The following THTPA variants were observed in gnomAD, a reference collection of about 807,000 sequenced individuals.
The protein encoded by THTPA is thiamine triphosphatase, also known as thiamine-triphosphatase.
A neutral mutation model predicts 16.5 loss-of-function variants in THTPA; 16 were observed. That is an observed-to-expected ratio of 0.97 (90% CI 0.66 to 1.47). The LOEUF (loss-of-function observed/expected upper bound fraction) is 1.47. Among genes scored for constraint, THTPA ranks in the 40% most tolerant of loss-of-function variants. THTPA has a pLI of 0.00. For synonymous variants in THTPA, 110 were observed against 115.5 expected (o/e 0.95, Z 0.30); for missense variants, 281 against 280.9 (o/e 1.00, Z 0.00).
rs1302769437 is a variant in THTPA at position 23,559,157 on chromosome 14, C to T, written c.*317C>T. The T allele has an allele frequency of 1.4e-5, 4 of 294,190 alleles. No individual in the cohort carries two copies. The highest frequency in any genetic ancestry group is 7.5e-5 in the East Asian group (1 of 13,388). The allele number at this position is 294,190 out of a possible 1,614,324, so 18.2% of individuals were successfully genotyped here. ...AAGCACAGGAAAATCCCTTGCCACC[C>T]CCCCTCCCTTGGTCGATGCCATTGA... On this transcript the variant is annotated 3_prime_UTR_variant, in exon 2 of 2. Coordinates refer to ENST00000288014, the MANE Select transcript of THTPA (RefSeq NM_024328.6).
the THTPA span, chr14:23,513,582 T>G: frequency 2.6e-4 from 39 of 152,354 alleles, no homozygotes; most frequent in African/African-American, 9.4e-4. Flanking sequence ...AGAGGGTGCA[T>G]GAGTTGCTTC....
chr14:23,558,489 C>T (rs982001824), intron 1 of THTPA, among the ~76,000 whole-genome samples: 1 of 152,216 alleles, frequency 6.6e-6, no homozygotes, highest in South Asian at 2.1e-4. Flanking sequence ...TCTAGTCCCA[C>T]TCTTGCCTGA....
At chr14:23,534,414 T>G in the THTPA span, 1 of 1,536,728 alleles carries the variant, frequency 6.5e-7, no homozygotes, top group Non-Finnish European at 8.7e-7. The surrounding 1 kb of genome is among the most constrained non-coding windows in gnomAD (Gnocchi z 4.5). Context: ...TGTCAAGGGG[T>G]ATGTCAGAAG....
At position 23,558,777 on chromosome 14, in the gene THTPA, AG is replaced by A. The variant is rs1472169311; in HGVS notation, c.631del (p.Glu211LysfsTer2). On this transcript the variant is annotated frameshift_variant, in exon 2 of 2. Transcript: ENST00000288014. LOFTEE classifies it low-confidence loss of function (END_TRUNC). ...FRPQDYQRLL[E>X]VNSSRERPQE... The stretch of plus-strand genomic sequence containing the variant: ...GGCCTCAAGACTATCAGCGCCTGCT[AG>A]AAGTGAACAGCTCCAGAGAGAGGCC... 5 of 1,614,102 alleles carry A rather than the reference AG, an allele frequency of 3.1e-6. No homozygotes were observed. The highest frequency in any genetic ancestry group is 4.2e-6 in the Non-Finnish European group (5 of 1,180,042).
In THTPA at chr14:23,556,950, AAAT is replaced by A. The variant is rs891916027; in HGVS notation, c.194_196del (p.Lys65_Cys66delinsSer). 3.7e-6 allele frequency: 6 copies of A among 1,614,024 alleles called. No homozygotes were observed. The African/African-American group carries it at 8.0e-5, about 22-fold the overall frequency. ...ACGAGAGGATAGTGGATGGGAGCTCAAATGTCCTGGAGCAGCAGGTGTCTTAGG... is the reference window on the plus strand; with the variant it reads ...ACGAGAGGATAGTGGATGGGAGCTCAGTCCTGGAGCAGCAGGTGTCTTAGG... On this transcript the variant is annotated inframe_deletion, in exon 1 of 2. Transcript: ENST00000288014.
the THTPA span, chr14:23,522,986 C>T: frequency 2.8e-6 from 4 of 1,425,856 alleles, no homozygotes; most frequent in East Asian, 2.5e-5. Context: ...ATCTCCTGTC[C>T]CATCATTCTT....
At chr14:23,542,860 C>G in the THTPA span, 1 of 152,062 alleles carries the variant, frequency 6.6e-6, no homozygotes, top group African/African-American at 2.4e-5. Flanking sequence ...CTCAGCCTCC[C>G]GAGTAGCTGG....
At chr14:23,540,126 G>A in the THTPA span, among the ~76,000 whole-genome samples, 1 of 152,184 alleles carries the variant, frequency 6.6e-6, no homozygotes, top group Non-Finnish European at 1.5e-5. Flanking sequence ...CAGTAGCTGG[G>A]ACTACAGGCA....
At chr14:23,522,297 C>T in the THTPA span, 35 of 1,509,642 alleles carry the variant, frequency 2.3e-5, no homozygotes, top group South Asian at 2.1e-4. Context: ...GGGGCCTCCC[C>T]GTCAAATGCC....
At chr14:23,533,270 A>G in the THTPA span, 4 of 1,435,522 alleles carry the variant, frequency 2.8e-6, no homozygotes, top group East Asian at 2.5e-5. The surrounding 1 kb of genome is among the most constrained non-coding windows in gnomAD (Gnocchi z 4.8). Flanking sequence ...AGAGGGAAGA[A>G]GCACAGAAGC....
chr14:23,555,689 C>T (rs947309316), upstream of THTPA: 4 of 150,866 alleles, frequency 2.7e-5, no homozygotes, highest in African/African-American at 4.9e-5. Flanking sequence ...TCCCTCCCCC[C>T]ACCCCAACCC....
At chr14:23,531,854 T>G in the THTPA span, 2 of 1,163,524 alleles carry the variant, frequency 1.7e-6, no homozygotes, top group Admixed American at 8.3e-5. Flanking sequence ...CTCTACTCAC[T>G]GAAGCCTCTA....
At chr14:23,524,129 G>A in the THTPA span, 4 of 1,535,798 alleles carry the variant, frequency 2.6e-6, no homozygotes, top group African/African-American at 2.7e-5. This position sits in a 1 kb window ranked among gnomAD's most constrained non-coding sequence, Gnocchi z 5.6. Context: ...GGGCAAGGAT[G>A]CAGGGGTGGC....
At chr14:23,517,574 A>C in the THTPA span, among the ~76,000 whole-genome samples, 3 of 152,168 alleles carry the variant, frequency 2.0e-5, no homozygotes, top group Non-Finnish European at 4.4e-5. Flanking sequence ...GCAGAAGTTT[A>C]CCCTGTTTTT....
chr14:23,542,976 C>T, the THTPA span: 14 of 152,186 alleles, frequency 9.2e-5, no homozygotes, highest in East Asian at 1.7e-3. Flanking sequence ...CTACCTGACC[C>T]GCCCACCTTG....
chr14:23,557,192 C>T lies in THTPA; in HGVS notation c.435C>T (p.Asp145=). ...ADEEEPQLRV[D]LDTADFGYAV... Reference sequence around the variant, plus strand: ...AAGAGGAGCCACAGCTCAGGGTGGACTTGGATACAGCCGACTTTGGCTACG... The same window carrying T: ...AAGAGGAGCCACAGCTCAGGGTGGATTTGGATACAGCCGACTTTGGCTACG... The change falls in exon 1 of 2, where the codon GAC becomes GAT. Residue 145 remains aspartate, a synonymous_variant. Transcript: ENST00000288014. 1 of 1,614,082 alleles carries T rather than the reference C, an allele frequency of 6.2e-7. No individual in the cohort carries two copies. Among genetic ancestry groups the T allele is most frequent in the Non-Finnish European group, 8.5e-7 (1 of 1,180,020 alleles).
the THTPA span, chr14:23,527,595 T>C: frequency 6.5e-7 from 1 of 1,536,658 alleles, no homozygotes; most frequent in Non-Finnish European, 8.7e-7. Flanking sequence ...TCACCCAGCC[T>C]GTACTCACTA....
the THTPA span, chr14:23,523,380 A>G: frequency 1.3e-6 from 2 of 1,494,192 alleles, no homozygotes; most frequent in Non-Finnish European, 1.8e-6. The surrounding 1 kb of genome is among the most constrained non-coding windows in gnomAD (Gnocchi z 4.1). Flanking sequence ...AAGTCGTAGC[A>G]CTTGCTTTCA....
At chr14:23,518,720 A>G in the THTPA span, among the ~76,000 whole-genome samples, 1 of 152,194 alleles carries the variant, frequency 6.6e-6, no homozygotes, top group African/African-American at 2.4e-5. The surrounding 1 kb of genome is among the most constrained non-coding windows in gnomAD (Gnocchi z 4.5). Flanking sequence ...TGGGGGAGGT[A>G]CTGTAAAATA....
Sources: allele counts gnomAD v4.1 joint callset (sites outside exome capture counted in the v4.1 genomes callset), GRCh38; gene constraint gnomAD v4.1.1; non-coding constraint Gnocchi (gnomAD v3.1); transcripts MANE v1.5; gene names NCBI Gene and HGNC (gene_info 2026-07-23, HGNC 2026-07-21).